AGBL1: variants seen among roughly 807,000 people sequenced by gnomAD.
AGBL1 encodes AGBL carboxypeptidase 1.
In AGBL1, 130 loss-of-function variants were observed where a neutral mutation model predicts 118.9. That is an observed-to-expected ratio of 1.09 (90% confidence interval 0.95 to 1.26). The LOEUF (loss-of-function observed/expected upper bound fraction) is 1.26, where lower values mean the gene tolerates loss of function less well. Ranked by LOEUF, AGBL1 falls within the 50% of genes most tolerant of loss-of-function variation. AGBL1 has a pLI of 0.00. For missense variants in AGBL1, 1,584 were observed against 1,298.1 expected (o/e 1.22, Z -3.38); for synonymous variants, 555 against 478.9 (o/e 1.16, Z -2.08).
rs573304600 is a variant in AGBL1 at position 86,993,788 on chromosome 15, G to T, written c.3323+5700G>T. ...CAATGAATCTCCACTTCAAATGTCAGATCCCCTTCTCAGTATGCTTTTTGT... is the reference window on the plus strand; with the variant it reads ...CAATGAATCTCCACTTCAAATGTCATATCCCCTTCTCAGTATGCTTTTTGT... On this transcript the variant is annotated intron_variant, in intron 24 of 24. Coordinates refer to the AGBL1 transcript ENST00000441037. Among the ~76,000 whole-genome samples, 72 of 152,284 alleles carry T rather than the reference G, an allele frequency of 4.7e-4. 1 individual carries two copies. The highest frequency in any genetic ancestry group is 8.7e-4 in the Non-Finnish European group (59 of 68,014).
At chr15:86,875,897 C>T (rs1046199167) in intron 22 of AGBL1, among the ~76,000 whole-genome samples, 3 of 152,182 alleles carry the variant, frequency 2.0e-5, no homozygotes, top group African/African-American at 7.2e-5. Flanking sequence ...CAGACTTCCT[C>T]TGCATTGATC....
intron 17 of AGBL1, among the ~76,000 whole-genome samples, chr15:86,309,325 T>C (rs1044983682): frequency 3.3e-5 from 5 of 152,236 alleles, no homozygotes; most frequent in Non-Finnish European, 7.3e-5. Context: ...TAGAGTTTTC[T>C]ACATATAAGA....
intron 21 of AGBL1, among the ~76,000 whole-genome samples, chr15:86,663,763 G>C (rs1318865503): frequency 6.6e-6 from 1 of 152,128 alleles, no homozygotes; most frequent in Non-Finnish European, 1.5e-5. Flanking sequence ...CTGTTGAAAT[G>C]GACAATTTAA....
chr15:86,734,174 T>C (rs1207691260), intron 22 of AGBL1, among the ~76,000 whole-genome samples: 1 of 152,166 alleles, frequency 6.6e-6, no homozygotes, highest in Non-Finnish European at 1.5e-5. Flanking sequence ...CCCAAGGCAC[T>C]TACGTTCTTA....
intron 1 of AGBL1, among the ~76,000 whole-genome samples, chr15:86,106,266 A>G (rs1449767757): frequency 1.3e-5 from 2 of 152,256 alleles, no homozygotes; most frequent in Admixed American, 6.5e-5. Flanking sequence ...CAGGAATGCT[A>G]AATTCCCCAT....
At chr15:86,236,951 G>T (rs150914907) in intron 6 of AGBL1, among the ~76,000 whole-genome samples, 3 of 14,772 alleles carry the variant, frequency 2.0e-4, no homozygotes, top group Non-Finnish European at 4.2e-4. Context: ...GCGGGGGGGG[G>T]CGGGGGGGCG....
chr15:86,177,178 A>T lies in AGBL1; in HGVS notation c.488+18152A>T, dbSNP rs143820590. 2.9e-3 allele frequency among the ~76,000 whole-genome samples: 441 copies of T among 152,366 alleles called. 1 individual carries two copies. Among genetic ancestry groups the T allele is most frequent in the Middle Eastern group, 6.8e-3 (2 of 294 alleles). On this transcript the variant is annotated intron_variant, in intron 5 of 22. Coordinates refer to ENST00000614907, the MANE Select transcript of AGBL1 (RefSeq NM_001386094.1). ...TCTAATATCAAATAAAGTAGCTTTC[A>T]GAGCATAGCATATTGCCAGGTATAA...
intron 18 of AGBL1, among the ~76,000 whole-genome samples, chr15:86,446,827 A>ATATT (rs1478468621): frequency 6.6e-6 from 1 of 152,184 alleles, no homozygotes; most frequent in East Asian, 1.9e-4. Flanking sequence ...TTACACTGTT[A>ATATT]TATTTACAGA....
chr15:86,698,475 A>G (rs1206029359), intron 22 of AGBL1, among the ~76,000 whole-genome samples: 1 of 152,036 alleles, frequency 6.6e-6, no homozygotes, highest in Non-Finnish European at 1.5e-5. Context: ...ACCATGCTGC[A>G]TACCCACCTG....
Position 86,459,630 on chromosome 15 carries a change from G to T in AGBL1, c.2555+62084G>T, listed in dbSNP as rs570747813. Reference sequence around the variant, plus strand: ...TATGATTTTATTGATCACTCATCATGCCCCAGACACAGCCCTCCACACAAT... The same window carrying T: ...TATGATTTTATTGATCACTCATCATTCCCCAGACACAGCCCTCCACACAAT... On this transcript the variant is annotated intron_variant, in intron 18 of 22. Coordinates refer to ENST00000614907, the MANE Select transcript of AGBL1 (RefSeq NM_001386094.1). Among the ~76,000 whole-genome samples the T allele has an allele frequency of 5.9e-5, 9 of 152,126 alleles. No homozygotes were observed. The South Asian group carries it at 1.7e-3, about 28-fold the overall frequency.
At chr15:86,209,147 G>A in intron 5 of AGBL1, among the ~76,000 whole-genome samples, 1 of 152,202 alleles carries the variant, frequency 6.6e-6, no homozygotes, top group Non-Finnish European at 1.5e-5. Flanking sequence ...TCTTAATCCT[G>A]AGTTTTAATA....
chr15:86,871,006 A>G (rs1304618993), intron 22 of AGBL1, among the ~76,000 whole-genome samples: 9 of 152,224 alleles, frequency 5.9e-5, no homozygotes, highest in African/African-American at 9.6e-5. Flanking sequence ...GCTTAGGGAT[A>G]GTAACTCTTA....
chr15:86,869,969 C>G (rs75489439), intron 22 of AGBL1, among the ~76,000 whole-genome samples: 2,169 of 152,266 alleles, frequency 0.014, 62 homozygotes, highest in African/African-American at 0.049. Flanking sequence ...ATAGGCTAAT[C>G]CATTGCCCGC....
intron 24 of AGBL1, among the ~76,000 whole-genome samples, chr15:86,994,396 G>C (rs573882159): frequency 3.3e-5 from 5 of 152,236 alleles, no homozygotes; most frequent in Non-Finnish European, 5.9e-5. Flanking sequence ...TGTCCAGAGT[G>C]TTAGACGCCA....
chr15:86,179,673 C>G (rs1296969539), intron 5 of AGBL1, among the ~76,000 whole-genome samples: 1 of 152,132 alleles, frequency 6.6e-6, no homozygotes, highest in East Asian at 1.9e-4. Flanking sequence ...GTCATTAAAT[C>G]TATTTAACAT....
chr15:86,106,276 T>A (rs1020095798), intron 1 of AGBL1, among the ~76,000 whole-genome samples: 7 of 152,236 alleles, frequency 4.6e-5, no homozygotes, highest in Admixed American at 4.6e-4. Context: ...AAATTCCCCA[T>A]TACCTAGAAC....
At chr15:86,862,308 G>C (rs2079570057) in intron 22 of AGBL1, among the ~76,000 whole-genome samples, 1 of 152,176 alleles carries the variant, frequency 6.6e-6, no homozygotes, top group African/African-American at 2.4e-5. Flanking sequence ...TACAAGATTA[G>C]TATTACTGAT....
chr15:86,420,453 C>A (rs939935669), intron 18 of AGBL1, among the ~76,000 whole-genome samples: 1 of 152,136 alleles, frequency 6.6e-6, no homozygotes, highest in African/African-American at 2.4e-5. Context: ...CACAGAAACC[C>A]CATCTGAAGG....
intron 21 of AGBL1, among the ~76,000 whole-genome samples, chr15:86,573,985 A>T (rs1029874905): frequency 6.6e-6 from 1 of 152,212 alleles, no homozygotes; most frequent in Non-Finnish European, 1.5e-5. Context: ...AAACATTTTC[A>T]TAAACTTTAT....
Sources: allele counts gnomAD v4.1 joint callset (sites outside exome capture counted in the v4.1 genomes callset), GRCh38; gene constraint gnomAD v4.1.1; transcripts MANE v1.5; gene names NCBI Gene and HGNC (gene_info 2026-07-23, HGNC 2026-07-21).